The following DNAH11 variants were observed in gnomAD, a reference collection of about 807,000 sequenced individuals.
The protein encoded by DNAH11 is dynein axonemal heavy chain 11.
DNAH11 carries 442 observed loss-of-function variants against 526.0 expected under a neutral mutation model. The ratio of observed to expected loss-of-function variants is 0.84; its 90% confidence interval spans 0.78 to 0.91. The LOEUF is 0.91. DNAH11 is among the 40% of genes least tolerant of loss of function. DNAH11 has a pLI of 0.00. For missense variants in DNAH11, 6,989 were observed against 5,448.7 expected, an observed-to-expected ratio of 1.28 and a Z score of -8.90; for synonymous variants, 2,461 against 1,935.9, an observed-to-expected ratio of 1.27 and a Z score of -7.12.
At chr7:21,591,724 A>T in intron 14 of DNAH11, 147 bp downstream of exon 14, 1 of 794,762 alleles carries the variant, frequency 1.3e-6, no homozygotes, top group Non-Finnish European at 1.8e-6. Context: ...AAGTGGAGGA[A>T]TTTGTGTTAC....
At chr7:21,606,923 A>T (rs1362704782) in intron 20 of DNAH11, among the ~76,000 whole-genome samples, 190 bp downstream of exon 20, 1 of 152,208 alleles carries the variant, frequency 6.6e-6, no homozygotes, top group Non-Finnish European at 1.5e-5. Flanking sequence ...TCCCAAAACC[A>T]TCATCGTCAT....
At chr7:21,688,052 A>C (rs1783457589) in intron 34 of DNAH11, among the ~76,000 whole-genome samples, 1 of 152,118 alleles carries the variant, frequency 6.6e-6, no homozygotes, top group Non-Finnish European at 1.5e-5. Flanking sequence ...ACAGAGCAAG[A>C]CCCTTTCTCC....
intron 54 of DNAH11, among the ~76,000 whole-genome samples, chr7:21,759,482 A>G (rs1177360087): frequency 6.6e-6 from 1 of 152,226 alleles, no homozygotes; most frequent in Non-Finnish European, 1.5e-5. Context: ...ACGATGATAA[A>G]GTGACACCGA....
chr7:21,581,810 CGA>C lies in DNAH11; in HGVS notation c.1594-87_1594-86del. ...AATTCACTCAGAGACAGAGAGCGAG[CGA>C]GAGAGAGCTAAAGTAAGGTCACGCT... On this transcript the variant is annotated intron_variant, in intron 8 of 81. Transcript: ENST00000409508. The C allele has an allele frequency of 4.0e-6, 3 of 742,348 alleles. No homozygotes were observed. In the East Asian group the frequency reaches 7.5e-5, roughly 19 times the overall value. 46.0% of individuals were successfully genotyped at this position (742,348 alleles called of 1,614,324 possible).
At chr7:21,754,817 G>A (rs1035486101) in intron 54 of DNAH11, among the ~76,000 whole-genome samples, 4 of 151,964 alleles carry the variant, frequency 2.6e-5, no homozygotes, top group African/African-American at 9.7e-5. Context: ...GAAATATTAC[G>A]GTAAAAAATG....
In DNAH11 at chr7:21,871,903, A is replaced by G. The variant is rs1387404804; in HGVS notation, c.11968-1371A>G. Among the ~76,000 whole-genome samples the G allele has an allele frequency of 2.0e-5, 3 of 151,994 alleles. No homozygotes were observed. The East Asian group carries it at 5.8e-4, about 30-fold the overall frequency. On this transcript the variant is annotated intron_variant, in intron 73 of 81. Transcript: ENST00000409508. ...TTTGGGAGGCCGAGGAGGGCAGATC[A>G]TGAGGTCAGGAGATCGAGACCATCC...
At chr7:21,544,883 A>G (rs1454752882) in intron 1 of DNAH11, 123 bp from the exon 2 acceptor site, 1 of 726,084 alleles carries the variant, frequency 1.4e-6, no homozygotes, top group South Asian at 2.1e-5. Flanking sequence ...GACCTTGTTT[A>G]TAGGGCAGGC....
chr7:21,675,555 T>C (rs1001944436), intron 30 of DNAH11, among the ~76,000 whole-genome samples: 4 of 152,244 alleles, frequency 2.6e-5, no homozygotes, highest in African/African-American at 9.6e-5. Flanking sequence ...CTGCATTCCT[T>C]CTTGTCCTGT....
At chr7:21,829,278 A>C (rs1238832527) in intron 65 of DNAH11, among the ~76,000 whole-genome samples, 2 of 150,234 alleles carry the variant, frequency 1.3e-5, no homozygotes, top group African/African-American at 2.4e-5. Context: ...TATCTTAAAA[A>C]GCAGCTACTA....
chr7:21,780,026 T>TTGATTTTC (rs922670738), intron 57 of DNAH11, among the ~76,000 whole-genome samples: 1 of 9,956 alleles, frequency 1.0e-4, no homozygotes, highest in Non-Finnish European at 2.9e-4. Context: ...GTTGATTTTC[T>TTGATTTTC]TTTTTTTTTT....
At chr7:21,555,945 G>A (rs975177713) in intron 2 of DNAH11, among the ~76,000 whole-genome samples, 8 of 152,194 alleles carry the variant, frequency 5.3e-5, no homozygotes, top group Non-Finnish European at 1.2e-4. Context: ...GAGACATGAA[G>A]AACAGTGGAA....
Position 21,601,001 on chromosome 7 carries a change from T to TCACTA in DNAH11, c.3256-6_3256-2dup, listed in dbSNP as rs2128447048. The TCACTA allele has an allele frequency of 1.2e-6, 2 of 1,610,326 alleles. No individual in the cohort carries two copies. The highest frequency in any genetic ancestry group is 4.5e-5 in the East Asian group (2 of 44,866). On this transcript the variant is annotated splice_polypyrimidine_tract_variant and intron_variant, in intron 16 of 81. Coordinates refer to ENST00000409508, the MANE Select transcript of DNAH11 (RefSeq NM_001277115.2). ...TGAGTTGTTCTAATTAATCTTTTTC[T>TCACTA]CACTACAGATTGACATTTATGAAGC...
intron 36 of DNAH11, 65 bp downstream of exon 36, chr7:21,698,278 AT>A (rs1783933728): frequency 6.3e-7 from 1 of 1,577,286 alleles, no homozygotes; most frequent in Non-Finnish European, 8.6e-7. Context: ...TGAAGTATGG[AT>A]TTTAGGTAAT....
At chr7:21,858,744 A>T (rs1328578460) in intron 68 of DNAH11, among the ~76,000 whole-genome samples, 1 of 152,236 alleles carries the variant, frequency 6.6e-6, no homozygotes, top group African/African-American at 2.4e-5. Flanking sequence ...GTAAATAGGC[A>T]CATGAGAACT....
intron 63 of DNAH11, among the ~76,000 whole-genome samples, chr7:21,812,319 C>T (rs1471925713): frequency 6.6e-6 from 1 of 152,026 alleles, no homozygotes; most frequent in African/African-American, 2.4e-5. Flanking sequence ...GGTTGACTTG[C>T]AGGGAAGAAA....
rs1275556331 is a variant in DNAH11, at chr7:21,687,091, G to A, written c.5622-8G>A. The A allele has an allele frequency of 1.9e-6, 3 of 1,609,186 alleles. No homozygotes were observed. Among genetic ancestry groups the A allele is most frequent in the South Asian group, 1.1e-5 (1 of 89,888 alleles). ...GACTGTGATGTTTGTGTTTTCTATT[G>A]CTTAAAGGTGTTATATTACCTTAAC... On this transcript the variant is annotated splice_region_variant and splice_polypyrimidine_tract_variant and intron_variant, in intron 32 of 81. Transcript: ENST00000409508.
chr7:21,798,428 A>G (rs1788814244), intron 61 of DNAH11, among the ~76,000 whole-genome samples: 1 of 152,090 alleles, frequency 6.6e-6, no homozygotes, highest in Non-Finnish European at 1.5e-5. Flanking sequence ...GAAGATGGAT[A>G]CTCTTAACTA....
chr7:21,723,889 C>G (rs1784977056), intron 44 of DNAH11, among the ~76,000 whole-genome samples: 1 of 152,140 alleles, frequency 6.6e-6, no homozygotes, highest in African/African-American at 2.4e-5. Flanking sequence ...TAGGTTGCCT[C>G]TGTTATTCTC....
chr7:21,885,150 G>C (rs188446194), intron 76 of DNAH11, among the ~76,000 whole-genome samples: 1 of 111,142 alleles, frequency 9.0e-6, no homozygotes, highest in Non-Finnish European at 1.8e-5. Flanking sequence ...ACCTTATTTG[G>C]ATCTTGTTCC....
Sources: gnomAD v4.1 joint callset for allele counts (sites outside exome capture counted in the v4.1 genomes callset) on GRCh38, gnomAD v4.1.1 for gene constraint, MANE v1.5 for transcripts, NCBI Gene and HGNC (gene_info 2026-07-23, HGNC 2026-07-21) for gene names.